ELL3: variants seen among roughly 807,000 people sequenced by gnomAD.
ELL3 encodes the protein elongation factor for RNA polymerase II 3.
A neutral mutation model predicts 58.5 loss-of-function variants in ELL3; 48 were observed. That is an observed-to-expected ratio of 0.82 (90% CI 0.65 to 1.04). ELL3 has a LOEUF of 1.04. ELL3 is among the 50% of genes least tolerant of loss of function. The pLI, the probability that ELL3 is intolerant of heterozygous loss-of-function variation, is 0.00. For missense variants in ELL3, 458 were observed against 478.4 expected (o/e 0.96, Z 0.40); for synonymous variants, 174 against 173.2 (o/e 1.00, Z -0.04).
intron 2 of ELL3, 28 bp from the exon 3 acceptor site, chr15:43,776,179 CA>C: frequency 6.3e-7 from 1 of 1,598,680 alleles, no homozygotes; most frequent in Non-Finnish European, 8.6e-7. Context: ...CGGTAAGCCC[CA>C]TGAAGTCAGC....
At position 43,774,332 on chromosome 15, in the gene ELL3, A is replaced by T; in HGVS notation, c.888T>A (p.Ser296Arg). The T allele has an allele frequency of 6.2e-7, 1 of 1,614,214 alleles. No homozygotes were observed. The highest frequency in any genetic ancestry group is 8.5e-7 in the Non-Finnish European group (1 of 1,180,026). The change falls in exon 9 of 11, where the codon AGT becomes AGA. Residue 296 changes from serine (S) to arginine (R), a missense_variant. By Grantham distance (110) the Ser-to-Arg change is moderately radical (BLOSUM62 -1). Transcript: ENST00000319359. ...DYLLQYRAIH[S>R]AEQQHAYEQD... Reference sequence around the variant, plus strand: ...GCTCATAGGCATGTTGCTGTTCTGCACTGTGGATGGCCCTGTATTGCCTGC... The same window carrying T: ...GCTCATAGGCATGTTGCTGTTCTGCTCTGTGGATGGCCCTGTATTGCCTGC...
intron 1 of ELL3, 49 bp from the exon 2 acceptor site, chr15:43,776,593 C>T (rs1412587270): frequency 1.9e-6 from 3 of 1,555,178 alleles, no homozygotes; most frequent in Non-Finnish European, 2.6e-6. Flanking sequence ...GAAGCAGTGT[C>T]CCCAGGATCC....
At position 43,776,128 on chromosome 15, in the gene ELL3, A is replaced by G; in HGVS notation, c.192T>C (p.Gly64=). 1 of 1,614,108 alleles carries G rather than the reference A, an allele frequency of 6.2e-7. No individual in the cohort carries two copies. Residue 64 remains glycine, a synonymous_variant, in exon 3 of 11, where the codon GGT becomes GGC. Coordinates refer to ENST00000319359, the MANE Select transcript of ELL3 (RefSeq NM_025165.3). ...HRGYLRLPGP[G]WSCLFSFIVS... ...CTATGAAGGAGAAGAGGCAGGACCA[A>G]CCAGGGCCTGGGAGTCTCAGATACT...
chr15:43,775,649 GTACTGGGATAC>G (rs1367305231), intron 4 of ELL3, 39 bp from the exon 5 acceptor site: 8 of 1,613,760 alleles, frequency 5.0e-6, no homozygotes, highest in Non-Finnish European at 5.9e-6. Context: ...GTTCCCTGGA[GTACTGGGATAC>G]CTTGGACTTC....
At position 43,772,949 on chromosome 15, in the gene ELL3, TTAA is replaced by T. The variant is rs1188616057; in HGVS notation, c.*164_*166del. ...TTGCACAGTGCCCATACCCTAAAAA[TTAA>T]TAATGAAAACCAAACCTCAAGAACC... On this transcript the variant is annotated 3_prime_UTR_variant, in exon 11 of 11. Transcript: ENST00000319359. The T allele has an allele frequency of 4.2e-5, 26 of 626,070 alleles. No individual in the cohort carries two copies. Among genetic ancestry groups the T allele is most frequent in the Non-Finnish European group, 5.4e-6 (2 of 369,674 alleles). 38.8% of individuals were successfully genotyped at this position (626,070 alleles called of 1,614,324 possible).
intron 6 of ELL3, 143 bp downstream of exon 6, chr15:43,775,163 T>A: frequency 1.3e-6 from 1 of 767,948 alleles, no homozygotes. Context: ...CAGAGAGACC[T>A]TGTCTCTAAA....
intron 10 of ELL3, 28 bp downstream of exon 10, chr15:43,773,276 T>G (rs1369699887): frequency 6.2e-7 from 1 of 1,614,134 alleles, no homozygotes; most frequent in East Asian, 2.2e-5. Flanking sequence ...TCATTCTACC[T>G]TGCTTCCGTT....
At chr15:43,774,052 A>G in intron 9 of ELL3, 130 bp downstream of exon 9, 1 of 1,145,592 alleles carries the variant, frequency 8.7e-7, no homozygotes, top group Non-Finnish European at 1.2e-6. Flanking sequence ...AATGATACAG[A>G]CTAATTTTTC....
Position 43,773,327 on chromosome 15 carries a change from G to A in ELL3, c.1060C>T (p.Gln354Ter). Residue 354 changes from glutamine (Q) to a stop codon, truncating the protein, a stop_gained, in exon 10 of 11, where the codon CAG becomes TAG. Transcript: ENST00000319359. LOFTEE classifies it high-confidence loss of function. The stretch of plus-strand genomic sequence containing the variant: ...ACCTTCCTGAACTTTTTATATTCCT[G>A]GATTATCTTGTCTTCCAGGACCTGA... Reference protein sequence around the residue: ...EYKVLEDKIIQEYKKFRKQYP... With the variant: ...EYKVLEDKII The A allele has an allele frequency of 6.2e-7, 1 of 1,614,022 alleles. No individual in the cohort carries two copies. The highest frequency in any genetic ancestry group is 8.5e-7 in the Non-Finnish European group (1 of 1,180,014).
Position 43,776,950 on chromosome 15 carries a change from C to T in ELL3, c.-49G>A. On this transcript the variant is annotated 5_prime_UTR_variant, in exon 1 of 11. It adds an upstream start codon to the 5' untranslated region. Coordinates refer to ENST00000319359, the MANE Select transcript of ELL3 (RefSeq NM_025165.3). ...GCACGGGGGCCACAGGCGAGGGCCA[C>T]CACCGCCACCTCCTCTGTTCAGGGT... is the stretch of plus-strand genomic sequence containing the variant. The T allele has an allele frequency of 1.2e-6, 2 of 1,600,414 alleles. No homozygotes were observed. Among genetic ancestry groups the T allele is most frequent in the Non-Finnish European group, 1.7e-6 (2 of 1,178,078 alleles).
At position 43,774,803 on chromosome 15, in the gene ELL3, A is replaced by G. The variant is rs567662115; in HGVS notation, c.646-30T>C. The stretch of plus-strand genomic sequence containing the variant: ...TGAGGAAAATATCTGTGTGACATAA[A>G]CAGCCAAGAGCTTCCTAAATATGTT... On this transcript the variant is annotated intron_variant, in intron 6 of 10. Transcript: ENST00000319359. 6.1e-5 allele frequency: 96 copies of G among 1,567,412 alleles called. 1 individual carries two copies. In the South Asian group the frequency reaches 1.1e-3, roughly 18 times the overall value.
At chr15:43,773,248 G>A (rs746794951) in intron 10 of ELL3, 22 bp from the exon 11 acceptor site, 2 of 1,613,650 alleles carry the variant, frequency 1.2e-6, no homozygotes, top group Admixed American at 3.3e-5. Context: ...AAGCATCCAT[G>A]TCAAAAAGTA....
rs1191175148 is a variant in ELL3 at position 43,775,806 on chromosome 15, A to G, written c.399T>C (p.Asp133=). The part of the protein sequence containing the change: ...SSVQGHNLTE[D]ARHPESWQNT... Reference sequence around the variant, plus strand: ...TCTGCCAACTCTCAGGATGTCTGGCATCTTCAGTCAGGTTGTGTCCCTGAA... The same window carrying G: ...TCTGCCAACTCTCAGGATGTCTGGCGTCTTCAGTCAGGTTGTGTCCCTGAA... The change falls in exon 4 of 11, where the codon GAT becomes GAC. Residue 133 remains aspartate (D), a synonymous_variant. Transcript: ENST00000319359. 1.9e-6 allele frequency: 3 copies of G among 1,614,104 alleles called. No individual in the cohort carries two copies. Among genetic ancestry groups the G allele is most frequent in the Non-Finnish European group, 2.5e-6 (3 of 1,180,048 alleles).
chr15:43,775,618 G>A lies in ELL3; in HGVS notation c.484-8C>T, dbSNP rs773728364. The A allele has an allele frequency of 6.2e-7, 1 of 1,614,184 alleles. No homozygotes were observed. The highest frequency in any genetic ancestry group is 1.7e-5 in the Admixed American group (1 of 60,032). ...TGGATCTGACACTGACACCTGGTGG[G>A]GAAAGTGGCAGGAGCACTTGGTTCC... On this transcript the variant is annotated splice_region_variant and splice_polypyrimidine_tract_variant and intron_variant, in intron 4 of 10. Coordinates refer to ENST00000319359, the MANE Select transcript of ELL3 (RefSeq NM_025165.3).
rs1435791781 is a variant in ELL3 at position 43,772,912 on chromosome 15, G to A, written c.*204C>T. 2 of 468,532 alleles carry A rather than the reference G, an allele frequency of 4.3e-6. No homozygotes were observed. Among genetic ancestry groups the A allele is most frequent in the East Asian group, 6.8e-5 (2 of 29,568 alleles). The allele number at this position is 468,532 out of a possible 1,614,324, so 29.0% of individuals were successfully genotyped here. On this transcript the variant is annotated 3_prime_UTR_variant, in exon 11 of 11. Coordinates refer to ENST00000319359, the MANE Select transcript of ELL3 (RefSeq NM_025165.3). ...CACTTTTCCTAGACTCCTAGGCACA[G>A]CTATGGAGTCTTTGCACAGTGCCCA...
At chr15:43,774,384 T>C (rs776730863) in intron 8 of ELL3, 31 bp from the exon 9 acceptor site, 2 of 1,613,720 alleles carry the variant, frequency 1.2e-6, no homozygotes, top group South Asian at 1.1e-5. Flanking sequence ...TCACCTTCAA[T>C]TTCATTGCCC....
chr15:43,774,388 A>C lies in ELL3; in HGVS notation c.867-35T>G, dbSNP rs761955900. ...GCAGAGAGTTGTCACCTTCAATTTC[A>C]TTGCCCCTGAAAAGCCCCCAGCTTC... On this transcript the variant is annotated intron_variant, in intron 8 of 10. Transcript: ENST00000319359. 40 of 1,613,552 alleles carry C rather than the reference A, an allele frequency of 2.5e-5. 1 individual carries two copies. In the South Asian group the frequency reaches 4.2e-4, roughly 17 times the overall value.
intron 3 of ELL3, 30 bp downstream of exon 3, chr15:43,776,009 C>A (rs376005553): frequency 1.2e-6 from 2 of 1,613,196 alleles, no homozygotes; most frequent in Non-Finnish European, 1.7e-6. Flanking sequence ...TCCACAAACC[C>A]TTTCTTGCCG....
rs776871417 is a variant in ELL3 at position 43,774,258 on chromosome 15, A to G, written c.962T>C (p.Val321Ala). The G allele has an allele frequency of 3.1e-6, 5 of 1,614,046 alleles. No homozygotes were observed. Among genetic ancestry groups the G allele is most frequent in the Non-Finnish European group, 4.2e-6 (5 of 1,180,044 alleles). ...TATGAACCTTTGGCTTGCAGTCCCAACACGGGCATGCAGGATGCGGTATTC... is the reference window on the plus strand; with the variant it reads ...TATGAACCTTTGGCTTGCAGTCCCAGCACGGGCATGCAGGATGCGGTATTC... ...YAEYRILHAR[V>A]GTASQRFIEL... Residue 321 changes from valine to alanine, a missense_variant, in exon 9 of 11, where the codon GTT becomes GCT. Coordinates refer to ENST00000319359, the MANE Select transcript of ELL3 (RefSeq NM_025165.3).
Sources: gnomAD v4.1 joint callset for allele counts on GRCh38, gnomAD v4.1.1 for gene constraint, MANE v1.5 for transcripts, NCBI Gene and HGNC (gene_info 2026-07-23, HGNC 2026-07-21) for gene names.